Variants in COL4A3 observed in about 807,000 individuals in gnomAD.
COL4A3 encodes the protein collagen alpha-3(IV) chain.
A neutral mutation model predicts 217.4 loss-of-function variants in COL4A3; 135 were observed. That is an observed-to-expected ratio of 0.62 (90% CI 0.54 to 0.72). COL4A3 has a LOEUF of 0.72. COL4A3 is among the 30% of genes least tolerant of loss of function. The pLI is 0.00. For missense variants in COL4A3, 1,868 were observed against 2,119.9 expected (o/e 0.88, Z 2.33); for synonymous variants, 690 against 736.3 (o/e 0.94, Z 1.02).
chr2:227,212,622 T>A (rs140493961), intron 1 of COL4A3, among the ~76,000 whole-genome samples: 1 of 152,224 alleles, frequency 6.6e-6, no homozygotes, highest in South Asian at 2.1e-4. Context: ...CATTTGTCCA[T>A]CTGTACACCA....
intron 1 of COL4A3, among the ~76,000 whole-genome samples, chr2:227,223,766 T>A (rs13389392): frequency 6.9e-6 from 1 of 145,198 alleles, no homozygotes; most frequent in African/African-American, 2.5e-5. Flanking sequence ...ATAAGCAAAT[T>A]CTGGTATCAG....
intron 41 of COL4A3, among the ~76,000 whole-genome samples, chr2:227,295,941 T>C (rs570323076): frequency 6.6e-6 from 1 of 152,326 alleles, no homozygotes; most frequent in Non-Finnish European, 1.5e-5. Flanking sequence ...TAGTCAAACC[T>C]TCCAGGAGAA....
chr2:227,266,644 G>A, intron 22 of COL4A3, 135 bp downstream of exon 22: 1 of 745,180 alleles, frequency 1.3e-6, no homozygotes, highest in South Asian at 1.6e-5. Context: ...TTAGCTAAAA[G>A]TATTCATTTA....
At chr2:227,174,416 T>C (rs2065600709) in intron 1 of COL4A3, among the ~76,000 whole-genome samples, 1 of 152,172 alleles carries the variant, frequency 6.6e-6, no homozygotes, top group Non-Finnish European at 1.5e-5. Flanking sequence ...TGTCTGAAAA[T>C]GGTGACAACA....
intron 1 of COL4A3, among the ~76,000 whole-genome samples, chr2:227,190,900 A>G (rs1298537994): frequency 2.0e-5 from 3 of 152,220 alleles, no homozygotes; most frequent in African/African-American, 4.8e-5. Flanking sequence ...GTAATATGTC[A>G]TAACTAATGA....
At chr2:227,277,110 G>A (rs1370034136) in intron 27 of COL4A3, among the ~76,000 whole-genome samples, 1 of 152,088 alleles carries the variant, frequency 6.6e-6, no homozygotes, top group Admixed American at 6.6e-5. Context: ...ACGAGGTCAG[G>A]AGTTCGAGAC....
At chr2:227,254,753 T>C in intron 15 of COL4A3, 38 bp downstream of exon 15, 1 of 1,458,966 alleles carries the variant, frequency 6.9e-7, no homozygotes, top group Non-Finnish European at 9.6e-7. Flanking sequence ...CAGTTTTGAT[T>C]AGTCAGGACT....
chr2:227,251,367 C>A lies in COL4A3; in HGVS notation c.641C>A (p.Pro214His), dbSNP rs914548534. ...GFPGAMGPRG[P>H]KGHMGERVIG... is the part of the protein sequence containing the mutation. Reference sequence around the variant, plus strand: ...CCAGGAGCCATGGGACCTAGAGGACCTAAGGTAGACTACAGTTCATATGAT... The same window carrying A: ...CCAGGAGCCATGGGACCTAGAGGACATAAGGTAGACTACAGTTCATATGAT... Residue 214 changes from proline (P) to histidine (H), a missense_variant, in exon 11 of 52, where the codon CCT (proline) becomes CAT (histidine). Pro to His is a moderately conservative substitution (Grantham distance 77). Around this residue, in one of 2 missense-constraint regions of COL4A3, gnomAD observed 365 missense variants for 333.8 expected, o/e 1.09. Coordinates refer to ENST00000396578, the MANE Select transcript of COL4A3 (RefSeq NM_000091.5). 7.4e-6 allele frequency: 12 copies of A among 1,612,486 alleles called. No individual in the cohort carries two copies. In the African/African-American group the frequency reaches 1.3e-4, roughly 18 times the overall value.
At chr2:227,292,570 A>AT (rs2106222636) in intron 37 of COL4A3, among the ~76,000 whole-genome samples, 1 of 152,346 alleles carries the variant, frequency 6.6e-6, no homozygotes, top group South Asian at 2.1e-4. Flanking sequence ...GAAATTTTGT[A>AT]AATCTTTATC....
At chr2:227,230,057 A>AG (rs1373281093) in intron 1 of COL4A3, among the ~76,000 whole-genome samples, 201 of 146,826 alleles carry the variant, frequency 1.4e-3, no homozygotes, top group African/African-American at 5.0e-3. Context: ...TCTCAAAAAA[A>AG]AAAAAAAAAG....
Position 227,312,144 on chromosome 2 carries a change from G to A in COL4A3, c.*274G>A. 1 of 430,072 alleles carries A rather than the reference G, an allele frequency of 2.3e-6. No homozygotes were observed. The highest frequency in any genetic ancestry group is 4.3e-6 in the Non-Finnish European group (1 of 232,284). The allele number at this position is 430,072 out of a possible 1,614,324, so 26.6% of individuals were successfully genotyped here. Reference sequence around the variant, plus strand: ...AAAACCTATTCCACTTACATCCAAGGCACTGTCACTACGGTGATTGTATGA... The same window carrying A: ...AAAACCTATTCCACTTACATCCAAGACACTGTCACTACGGTGATTGTATGA... On this transcript the variant is annotated 3_prime_UTR_variant, in exon 52 of 52. Coordinates refer to ENST00000396578, the MANE Select transcript of COL4A3 (RefSeq NM_000091.5).
At chr2:227,231,661 C>G (rs1051473981) in intron 1 of COL4A3, among the ~76,000 whole-genome samples, 15 of 152,086 alleles carry the variant, frequency 9.9e-5, no homozygotes, top group Non-Finnish European at 1.9e-4. Flanking sequence ...GCTGAGACTA[C>G]AGGTGTGCAC....
chr2:227,194,511 C>A (rs78774150), intron 1 of COL4A3, among the ~76,000 whole-genome samples: 2 of 152,196 alleles, frequency 1.3e-5, no homozygotes, highest in African/African-American at 4.8e-5. Context: ...AAGCTCAGGA[C>A]CCCCTTGTGG....
chr2:227,241,315 T>C (rs1229522767), intron 3 of COL4A3, among the ~76,000 whole-genome samples: 6 of 152,200 alleles, frequency 3.9e-5, no homozygotes, highest in Non-Finnish European at 8.8e-5. Flanking sequence ...AACCAACTAA[T>C]AAGCTATGAA....
intron 26 of COL4A3, among the ~76,000 whole-genome samples, chr2:227,273,793 T>C (rs2125998639): frequency 6.6e-6 from 1 of 152,232 alleles, no homozygotes; most frequent in Non-Finnish European, 1.5e-5. Flanking sequence ...TGAAGGAAAA[T>C]GGTCTGATAA....
chr2:227,236,017 G>GT (rs1553748138), intron 1 of COL4A3, among the ~76,000 whole-genome samples: 2 of 151,730 alleles, frequency 1.3e-5, no homozygotes, highest in Non-Finnish European at 2.9e-5. Flanking sequence ...CAGGTGATCC[G>GT]CCCCCCTGGG....
intron 41 of COL4A3, chr2:227,296,634 G>T: frequency 2.6e-6 from 1 of 389,934 alleles, no homozygotes; most frequent in Non-Finnish European, 3.5e-6. Context: ...AAGCCATCTT[G>T]GTACTTCAGG....
chr2:227,207,998 A>G (rs950802733), intron 1 of COL4A3, among the ~76,000 whole-genome samples: 3 of 152,108 alleles, frequency 2.0e-5, no homozygotes, highest in Non-Finnish European at 2.9e-5. Context: ...AAATTGGAGT[A>G]TTGGTTACTC....
chr2:227,285,277 T>TAAAAAAAAAAAAAAAAAAA (rs764697409), intron 34 of COL4A3, among the ~76,000 whole-genome samples: 5 of 72,374 alleles, frequency 6.9e-5, no homozygotes, highest in African/African-American at 2.8e-4. Context: ...CTGCCAAACC[T>TAAAAAAAAAAAAAAAAAAA]AAAAAAAAAA....
Sources: allele counts gnomAD v4.1 joint callset (sites outside exome capture counted in the v4.1 genomes callset), GRCh38; gene constraint gnomAD v4.1.1; regional missense constraint gnomAD v4.1.1; transcripts MANE v1.5; gene names NCBI Gene and HGNC (gene_info 2026-07-23, HGNC 2026-07-21).